The following RIMS2 variants were observed in gnomAD, a reference collection of about 807,000 sequenced individuals.
RIMS2 encodes regulating synaptic membrane exocytosis protein 2.
RIMS2 carries 59 observed loss-of-function variants against 174.4 expected under a neutral mutation model. That is an observed-to-expected ratio of 0.34 (90% confidence interval 0.27 to 0.42). The LOEUF is 0.42. Ranked by LOEUF, RIMS2 falls within the 10% of genes least tolerant of loss-of-function variation. The probability of loss-of-function intolerance (pLI) is 1.00; values close to 1 mark genes in which losing one functional copy is unlikely to be tolerated. For missense variants in RIMS2, 1,620 were observed against 1,666.3 expected (o/e 0.97, Z 0.48); for synonymous variants, 606 against 572.5 (o/e 1.06, Z -0.84).
chr8:103,616,199 C>T (rs368576733), intron 1 of RIMS2, among the ~76,000 whole-genome samples: 1 of 152,262 alleles, frequency 6.6e-6, no homozygotes, highest in African/African-American at 2.4e-5. Context: ...CCCCAGGATG[C>T]CAGTTTGGTT....
intron 19 of RIMS2, among the ~76,000 whole-genome samples, chr8:104,144,499 C>G (rs1220518830): frequency 1.3e-5 from 2 of 151,996 alleles, no homozygotes; most frequent in Non-Finnish European, 2.9e-5. Flanking sequence ...CTTGATTGCT[C>G]TTTTCGTTTG....
intron 19 of RIMS2, among the ~76,000 whole-genome samples, chr8:104,078,816 C>T (rs908962283): frequency 6.6e-6 from 1 of 152,022 alleles, no homozygotes. Context: ...CTATTTCTTC[C>T]TATTTTTACA....
intron 10 of RIMS2, among the ~76,000 whole-genome samples, chr8:103,926,516 T>C (rs1054192080): frequency 4.6e-5 from 7 of 151,492 alleles, no homozygotes; most frequent in African/African-American, 1.7e-4. Flanking sequence ...TGAATGACAG[T>C]CTGCTTTTAA....
chr8:103,529,054 T>C (rs975336751), intron 1 of RIMS2, among the ~76,000 whole-genome samples: 6 of 152,140 alleles, frequency 3.9e-5, no homozygotes, highest in Non-Finnish European at 7.4e-5. Flanking sequence ...TGTTTGTGTC[T>C]TCTTTTATTT....
chr8:104,044,128 G>A lies in RIMS2; in HGVS notation c.3334+29513G>A, dbSNP rs534339772. Among the ~76,000 whole-genome samples the A allele has an allele frequency of 1.1e-4, 17 of 151,636 alleles. No homozygotes were observed. In the South Asian group the frequency reaches 3.3e-3, roughly 30 times the overall value. On this transcript the variant is annotated intron_variant, in intron 19 of 23. Transcript: ENST00000504942. ...AGGGTCAACATTCCATTCATGATAC[G>A]AAAGGAAATGAACGTTCTCTGATGA...
chr8:104,110,204 T>G (rs1306712112), intron 19 of RIMS2, among the ~76,000 whole-genome samples: 4 of 152,172 alleles, frequency 2.6e-5, no homozygotes, highest in Admixed American at 1.3e-4. Context: ...TGATCTAAAT[T>G]GCCCAGTATT....
chr8:103,727,804 T>C (rs1213032004), intron 2 of RIMS2, among the ~76,000 whole-genome samples: 1 of 152,184 alleles, frequency 6.6e-6, no homozygotes, highest in Non-Finnish European at 1.5e-5. Flanking sequence ...TATGTATCTG[T>C]TTTTATGTTA....
At chr8:103,770,547 G>A (rs1202684859) in intron 3 of RIMS2, among the ~76,000 whole-genome samples, 14 of 152,074 alleles carry the variant, frequency 9.2e-5, no homozygotes, top group Admixed American at 7.9e-4. Context: ...TTGCATTCCA[G>A]CCTGGGCAAC....
chr8:103,701,982 A>AT, intron 2 of RIMS2, among the ~76,000 whole-genome samples: 1 of 152,036 alleles, frequency 6.6e-6, no homozygotes, highest in African/African-American at 2.4e-5. Context: ...TGGTGGTTCT[A>AT]TTTTTAGGTT....
rs72683196 is a variant in RIMS2, at chr8:104,080,173, A to G, written c.3334+65558A>G. Among the ~76,000 whole-genome samples the G allele has an allele frequency of 9.7e-3, 1,476 of 152,158 alleles. 14 individuals are homozygous for G. The highest frequency in any genetic ancestry group is 0.017 in the Non-Finnish European group (1,166 of 67,902). On this transcript the variant is annotated intron_variant, in intron 19 of 23. Transcript: ENST00000504942. ...AATAAGACTTTGGATAAGTTGCCCA[A>G]TAGTTCTTCACAACTCAACTTTTTT...
chr8:103,782,574 C>T (rs942006229), intron 3 of RIMS2, among the ~76,000 whole-genome samples: 11 of 151,842 alleles, frequency 7.2e-5, no homozygotes, highest in Non-Finnish European at 8.8e-5. Flanking sequence ...GTAGTCATTG[C>T]GATATGACCC....
chr8:103,533,844 T>C (rs1286157750), intron 1 of RIMS2, among the ~76,000 whole-genome samples: 3 of 152,200 alleles, frequency 2.0e-5, no homozygotes, highest in African/African-American at 7.2e-5. Context: ...ATTTGAATCA[T>C]CATGTGTTAC....
chr8:104,109,184 C>A (rs2098131462), intron 19 of RIMS2, among the ~76,000 whole-genome samples: 1 of 150,938 alleles, frequency 6.6e-6, no homozygotes, highest in African/African-American at 2.4e-5. Flanking sequence ...GTAGACCCAG[C>A]TACTCCGGAG....
intron 1 of RIMS2, among the ~76,000 whole-genome samples, chr8:103,608,690 A>G (rs796285909): frequency 3.3e-5 from 5 of 149,900 alleles, no homozygotes; most frequent in Admixed American, 6.6e-5. Flanking sequence ...ATATAATCTC[A>G]TGGTGCGCCG....
intron 3 of RIMS2, among the ~76,000 whole-genome samples, chr8:103,882,413 G>C (rs1392901495): frequency 1.3e-5 from 2 of 151,460 alleles, no homozygotes; most frequent in Admixed American, 6.6e-5. Context: ...ATTGATTGCA[G>C]GTTCTTCATT....
chr8:103,779,284 G>A (rs1341435436), intron 3 of RIMS2, among the ~76,000 whole-genome samples: 1 of 152,080 alleles, frequency 6.6e-6, no homozygotes, highest in Non-Finnish European at 1.5e-5. Flanking sequence ...TGCTTTGGCT[G>A]CCTGTGATTT....
intron 1 of RIMS2, among the ~76,000 whole-genome samples, chr8:103,557,732 A>ATAACTC (rs2090760209): frequency 6.6e-6 from 1 of 152,184 alleles, no homozygotes; most frequent in Non-Finnish European, 1.5e-5. Context: ...ACTTATAACT[A>ATAACTC]ACTGAATTAT....
chr8:103,615,995 A>T (rs1222963276), intron 1 of RIMS2, among the ~76,000 whole-genome samples: 1 of 152,168 alleles, frequency 6.6e-6, no homozygotes, highest in Non-Finnish European at 1.5e-5. Context: ...AATCGAGGAG[A>T]AGGGACATCT....
chr8:103,577,576 A>T (rs2093337753), intron 1 of RIMS2, among the ~76,000 whole-genome samples: 1 of 152,184 alleles, frequency 6.6e-6, no homozygotes, highest in Non-Finnish European at 1.5e-5. Context: ...AAACCTGTAC[A>T]TTCTGTACAT....
Sources: allele counts gnomAD v4.1 joint callset (sites outside exome capture counted in the v4.1 genomes callset), GRCh38; gene constraint gnomAD v4.1.1; transcripts MANE v1.5; gene names NCBI Gene and HGNC (gene_info 2026-07-23, HGNC 2026-07-21).